The following CSMD2 variants were observed in gnomAD, a reference collection of about 807,000 sequenced individuals.
CSMD2 encodes the protein CUB and sushi domain-containing protein 2.
A neutral mutation model predicts 398.5 loss-of-function variants in CSMD2; 130 were observed. The observed-to-expected ratio is 0.33, with a 90% CI of 0.28 to 0.38. CSMD2 has a LOEUF of 0.38. CSMD2 is among the 10% of genes least tolerant of loss of function. CSMD2 has a pLI of 1.00. For synonymous variants in CSMD2, 1,828 were observed against 1,908.5 expected (o/e 0.96, Z 1.10); for missense variants, 3,829 against 4,764.9 (o/e 0.80, Z 5.78).
chr1:33,665,161 T>C (rs189351667), intron 25 of CSMD2, among the ~76,000 whole-genome samples: 1 of 152,292 alleles, frequency 6.6e-6, no homozygotes, highest in East Asian at 1.9e-4. Flanking sequence ...TCTACTTATA[T>C]ATTATGACTT....
At position 33,550,492 on chromosome 1, in the gene CSMD2, T is replaced by C. The variant is rs1657341661; in HGVS notation, c.8744-142A>G. ...TGTTGAAGCAAACTTCCTGCTGGCA[T>C]GCCCACCTGGCGTTGGCAGACAATG... On this transcript the variant is annotated intron_variant, in intron 55 of 70. Transcript: ENST00000373381. The C allele has an allele frequency of 5.0e-6, 4 of 802,728 alleles. No individual in the cohort carries two copies. The South Asian group carries it at 8.1e-5, about 16-fold the overall frequency. The allele number at this position is 802,728 out of a possible 1,614,324, so 49.7% of individuals were successfully genotyped here.
chr1:33,795,586 C>T (rs1012029201), intron 10 of CSMD2, among the ~76,000 whole-genome samples: 13 of 152,342 alleles, frequency 8.5e-5, no homozygotes, highest in African/African-American at 3.1e-4. Flanking sequence ...CCTGTCACTG[C>T]CCTAGAATAT....
intron 1 of CSMD2, among the ~76,000 whole-genome samples, chr1:34,127,035 CAG>C (rs1276593758): frequency 2.0e-5 from 3 of 152,176 alleles, no homozygotes; most frequent in East Asian, 1.9e-4. Context: ...GAAAAAGAAA[CAG>C]AGAGACGGAA....
At chr1:33,975,342 A>G (rs910885741) in intron 3 of CSMD2, among the ~76,000 whole-genome samples, 2 of 152,028 alleles carry the variant, frequency 1.3e-5, no homozygotes, top group African/African-American at 4.8e-5. Flanking sequence ...CCTGGGTTAG[A>G]GTACAAACAG....
chr1:33,751,855 G>C (rs1303626984), intron 13 of CSMD2, among the ~76,000 whole-genome samples: 1 of 151,686 alleles, frequency 6.6e-6, no homozygotes, highest in Non-Finnish European at 1.5e-5. Context: ...TTGATCTTTC[G>C]ACCTCATGAT....
intron 29 of CSMD2, 144 bp downstream of exon 29, chr1:33,646,504 G>A: frequency 1.2e-6 from 1 of 823,290 alleles, no homozygotes; most frequent in East Asian, 2.5e-5. Context: ...AGGAAAGGCA[G>A]GTTTCTGCAG....
chr1:33,789,922 T>C (rs1184432245), intron 11 of CSMD2, among the ~76,000 whole-genome samples: 1 of 152,204 alleles, frequency 6.6e-6, no homozygotes, highest in East Asian at 1.9e-4. Flanking sequence ...CCACCATTCA[T>C]TTGCTGTGGG....
chr1:34,076,928 A>AAAAAAAATATAT (rs1232288848), intron 2 of CSMD2, among the ~76,000 whole-genome samples: 1 of 53,594 alleles, frequency 1.9e-5, no homozygotes, highest in African/African-American at 8.6e-5. Flanking sequence ...AAAAAAAAAA[A>AAAAAAAATATAT]ATATATATAT....
intron 1 of CSMD2, among the ~76,000 whole-genome samples, chr1:34,105,376 G>GAAA (rs751842509): frequency 1.0e-3 from 152 of 152,292 alleles, no homozygotes; most frequent in Admixed American, 1.8e-3. Flanking sequence ...CCCCTAGGGG[G>GAAA]AAAATCACCT....
At position 33,714,780 on chromosome 1, in the gene CSMD2, A is replaced by G. The variant is rs1220920131; in HGVS notation, c.3218-5T>C. On this transcript the variant is annotated splice_region_variant and splice_polypyrimidine_tract_variant and intron_variant, in intron 20 of 70. Coordinates refer to ENST00000373381, the MANE Select transcript of CSMD2 (RefSeq NM_001281956.2). The stretch of plus-strand genomic sequence containing the variant: ...CACAGGGCTCCAAGTCGTACTCTGG[A>G]AAGGTAGCAGGAGATCCGGGCTCAG... The G allele has an allele frequency of 1.2e-6, 2 of 1,613,724 alleles. No individual in the cohort carries two copies. Among genetic ancestry groups the G allele is most frequent in the Admixed American group, 1.7e-5 (1 of 60,000 alleles).
intron 10 of CSMD2, 89 bp downstream of exon 10, chr1:33,810,654 T>A: frequency 7.7e-7 from 1 of 1,299,394 alleles, no homozygotes; most frequent in Non-Finnish European, 1.1e-6. Context: ...CTACCATCAG[T>A]AAGTTCTGGG....
chr1:33,662,964 G>A lies in CSMD2; in HGVS notation c.4181C>T (p.Thr1394Ile), dbSNP rs1483702004. 1.2e-6 allele frequency: 2 copies of A among 1,614,150 alleles called. No individual in the cohort carries two copies. Among genetic ancestry groups the A allele is most frequent in the Non-Finnish European group, 1.7e-6 (2 of 1,180,020 alleles). The change falls in exon 26 of 71, where the codon ACC becomes ATC. Residue 1394 changes from threonine to isoleucine, a missense_variant. Thr to Ile is a moderately conservative substitution (Grantham distance 89). Around this residue, in one of 5 missense-constraint regions of CSMD2, gnomAD observed 2,001 missense variants for 2,567.1 expected, o/e 0.78. Transcript: ENST00000373381. ...GAACTGCAGGACGACCGAGTTGAAG[G>A]TGCTATGCAGGTCCTTGGGCAGGGC... ...GPALPKDLHS[T>I]FNSVVLQFST...
intron 2 of CSMD2, among the ~76,000 whole-genome samples, chr1:34,062,581 G>A (rs1449829237): frequency 6.6e-6 from 1 of 152,216 alleles, no homozygotes; most frequent in Non-Finnish European, 1.5e-5. Context: ...GCAAGACCAT[G>A]AGCAAGAGAT....
intron 2 of CSMD2, among the ~76,000 whole-genome samples, chr1:34,074,852 CTGAGT>C (rs1402664186): frequency 6.6e-6 from 1 of 152,126 alleles, no homozygotes; most frequent in Non-Finnish European, 1.5e-5. Context: ...GAAGGGACAA[CTGAGT>C]TACTTGAGGA....
At chr1:33,941,511 A>G (rs1484520239) in intron 3 of CSMD2, among the ~76,000 whole-genome samples, 1 of 152,240 alleles carries the variant, frequency 6.6e-6, no homozygotes, top group African/African-American at 2.4e-5. Context: ...CATCATGGAA[A>G]GAAGAGAAGG....
intron 27 of CSMD2, among the ~76,000 whole-genome samples, chr1:33,655,086 C>T (rs1643907731): frequency 2.6e-5 from 4 of 152,204 alleles, no homozygotes; most frequent in African/African-American, 7.2e-5. Context: ...CAGGGTTAGT[C>T]GAGGGGTCCT....
intron 3 of CSMD2, among the ~76,000 whole-genome samples, chr1:33,973,304 TGA>T (rs1645839358): frequency 1.3e-5 from 2 of 152,156 alleles, no homozygotes; most frequent in South Asian, 2.1e-4. Context: ...TGCAGACAGC[TGA>T]GAGGGGACAT....
chr1:34,116,629 A>G (rs982668354), intron 1 of CSMD2, among the ~76,000 whole-genome samples: 9 of 152,118 alleles, frequency 5.9e-5, no homozygotes, highest in Non-Finnish European at 1.2e-4. Flanking sequence ...CCTGAACAAG[A>G]CTATAGACCA....
chr1:34,049,131 G>A (rs1451142824), intron 2 of CSMD2, among the ~76,000 whole-genome samples: 3 of 152,204 alleles, frequency 2.0e-5, no homozygotes, highest in African/African-American at 7.2e-5. Flanking sequence ...CCAAGCCCAA[G>A]TCACACGTTG....
Sources: allele counts gnomAD v4.1 joint callset (sites outside exome capture counted in the v4.1 genomes callset), GRCh38; gene constraint gnomAD v4.1.1; regional missense constraint gnomAD v4.1.1; transcripts MANE v1.5; gene names NCBI Gene and HGNC (gene_info 2026-07-23, HGNC 2026-07-21).